PIWIL1: variants seen among roughly 807,000 people sequenced by gnomAD.
PIWIL1 encodes piwi like RNA-mediated gene silencing 1, also known as piwi-like protein 1.
PIWIL1 carries 73 observed loss-of-function variants against 114.4 expected under a neutral mutation model. That is an observed-to-expected ratio of 0.64 (90% confidence interval 0.53 to 0.78). The LOEUF is 0.78. PIWIL1 is among the 30% of genes least tolerant of loss of function. PIWIL1 has a pLI of 0.00. For missense variants in PIWIL1, 723 were observed against 1,063.1 expected, an observed-to-expected ratio of 0.68 and a Z score of 4.45; for synonymous variants, 375 against 369.0, an observed-to-expected ratio of 1.02 and a Z score of -0.19.
the PIWIL1 span, chr12:130,398,766 G>T: frequency 6.4e-6 from 1 of 155,350 alleles, no homozygotes; most frequent in African/African-American, 2.4e-5. Flanking sequence ...ATGTTTGTTA[G>T]GTTGTGCTTT....
downstream of PIWIL1, among the ~76,000 whole-genome samples, chr12:130,374,692 C>A (rs2136207273): frequency 6.6e-6 from 1 of 152,318 alleles, no homozygotes; most frequent in Admixed American, 6.5e-5. Flanking sequence ...ACTCTCATGC[C>A]TGGGAACCCC....
rs1175090519 is a variant in PIWIL1 at position 130,371,753 on chromosome 12, C to T, written c.*155C>T. 14 of 457,724 alleles carry T rather than the reference C, an allele frequency of 3.1e-5. No individual in the cohort carries two copies. The highest frequency in any genetic ancestry group is 1.0e-4 in the African/African-American group (5 of 49,200). 28.4% of individuals were successfully genotyped at this position (457,724 alleles called of 1,614,324 possible). On this transcript the variant is annotated 3_prime_UTR_variant, in exon 21 of 21. Coordinates refer to ENST00000245255, the MANE Select transcript of PIWIL1 (RefSeq NM_004764.5). ...TTTTATTTCTAGCATTGCTATTCAC[C>T]GGCTTCCTTATTTTATACGTAAAAA...
At chr12:130,362,934 A>C in intron 17 of PIWIL1, 57 bp from the exon 18 acceptor site, 1 of 1,612,128 alleles carries the variant, frequency 6.2e-7, no homozygotes, top group Non-Finnish European at 8.5e-7. Context: ...TTTGGGAAGA[A>C]CAGACGAGTT....
chr12:130,389,093 AAC>A, the PIWIL1 span, among the ~76,000 whole-genome samples: 1 of 152,062 alleles, frequency 6.6e-6, no homozygotes, highest in Non-Finnish European at 1.5e-5. Context: ...TTATTCTGTT[AAC>A]ATAGTTCATG....
the PIWIL1 span, among the ~76,000 whole-genome samples, chr12:130,380,346 T>A: frequency 6.6e-6 from 1 of 152,066 alleles, no homozygotes; most frequent in Non-Finnish European, 1.5e-5. Context: ...ACCCCCCAAC[T>A]TTTTTTTACT....
At chr12:130,376,176 C>T (rs1168893581), downstream of PIWIL1, among the ~76,000 whole-genome samples, 1 of 152,236 alleles carries the variant, frequency 6.6e-6, no homozygotes, top group African/African-American at 2.4e-5. Context: ...CTGTCCAACA[C>T]AATGCTGCTC....
chr12:130,415,980 A>ACACACAC, the PIWIL1 span, among the ~76,000 whole-genome samples: 4,115 of 149,406 alleles, frequency 0.028, 202 homozygotes, highest in African/African-American at 0.097. Context: ...CACACACACA[A>ACACACAC]AATATACAGA....
rs1450650694 is a variant in PIWIL1 at position 130,369,049 on chromosome 12, C to T, written c.2321+1791C>T. On this transcript the variant is annotated intron_variant, in intron 19 of 20. Transcript: ENST00000245255. ...GCTATTTATCCTGATGCTCTTCCTC[C>T]TCCTTACCCCCCAACAGGCCCCAGT... Among the ~76,000 whole-genome samples, 5 of 152,172 alleles carry T rather than the reference C, an allele frequency of 3.3e-5. No individual in the cohort carries two copies. In the East Asian group the frequency reaches 9.6e-4, roughly 29 times the overall value.
chr12:130,408,553 G>A, the PIWIL1 span, among the ~76,000 whole-genome samples: 2 of 152,204 alleles, frequency 1.3e-5, no homozygotes, highest in African/African-American at 2.4e-5. Flanking sequence ...AGGGGCTGCA[G>A]AGGAATTGCC....
intron 9 of PIWIL1, among the ~76,000 whole-genome samples, chr12:130,353,554 A>G (rs147839753): frequency 6.6e-6 from 1 of 151,716 alleles, no homozygotes; most frequent in East Asian, 1.9e-4. Context: ...ACTGAAGAGA[A>G]CTCAAACAAA....
At chr12:130,348,836 G>A (rs1256331073) in intron 7 of PIWIL1, among the ~76,000 whole-genome samples, 1 of 152,104 alleles carries the variant, frequency 6.6e-6, no homozygotes, top group Non-Finnish European at 1.5e-5. Flanking sequence ...GGAGGCGGAG[G>A]TTGCAGTGAG....
Position 130,354,663 on chromosome 12 carries a change from G to A in PIWIL1, c.1171G>A (p.Gly391Ser), listed in dbSNP as rs1263766011. ...MLIPELCYLT[G>S]LTDKMRNDFN... is the part of the protein sequence containing the mutation. ...CATTCCTGAGCTCTGCTATCTTACA[G>A]GTACTGTTGCATTTCATTTACTCGG... The change falls in exon 10 of 21, where the codon GGT becomes AGT. Residue 391 changes from glycine (G) to serine (S), a missense_variant and splice_region_variant. Around this residue, in one of 8 missense-constraint regions of PIWIL1, gnomAD observed 298 missense variants for 420.8 expected, o/e 0.71. Coordinates refer to ENST00000245255, the MANE Select transcript of PIWIL1 (RefSeq NM_004764.5). 6.4e-7 allele frequency: 1 copy of A among 1,570,002 alleles called. No homozygotes were observed. Among genetic ancestry groups the A allele is most frequent in the East Asian group, 2.3e-5 (1 of 44,420 alleles).
Position 130,347,009 on chromosome 12 carries a change from A to T in PIWIL1, c.600A>T (p.Glu200Asp). The T allele has an allele frequency of 6.2e-7, 1 of 1,613,832 alleles. No homozygotes were observed. The highest frequency in any genetic ancestry group is 1.1e-5 in the South Asian group (1 of 91,028). ...DVRITITLTN[E>D]LPPTSPTCLQ... is the part of the protein sequence containing the mutation. ...GGATAACGATCACTTTAACAAATGA[A>T]CTTCCACCTACATCACCAACTTGTT... Residue 200 changes from glutamate (E) to aspartate (D), a missense_variant, in exon 6 of 21, where the codon GAA becomes GAT. Physicochemically the swap from Glu to Asp is conservative, Grantham distance 45. Transcript: ENST00000245255.
At chr12:130,350,694 T>G (rs185234260) in intron 9 of PIWIL1, among the ~76,000 whole-genome samples, 65 of 152,352 alleles carry the variant, frequency 4.3e-4, no homozygotes, top group African/African-American at 1.5e-3. Flanking sequence ...AGATTATTTC[T>G]AGAAAACTAT....
chr12:130,376,665 C>T (rs1300991418), downstream of PIWIL1, among the ~76,000 whole-genome samples: 1 of 152,234 alleles, frequency 6.6e-6, no homozygotes, highest in Non-Finnish European at 1.5e-5. Flanking sequence ...TCAGATTCCT[C>T]AGTGAAGTTT....
At position 130,346,555 on chromosome 12, in the gene PIWIL1, T is replaced by C. The variant is rs777850158; in HGVS notation, c.502T>C (p.Leu168=). ...GKCHAFDGTI[L]FLPKRLQQKV... ...GTGTCATGCTTTTGATGGAACGATA[T>C]TATTTTTACCTAAAAGACTACAGCA... is the stretch of plus-strand genomic sequence containing the variant. Residue 168 remains leucine, a synonymous_variant, in exon 5 of 21, where the codon TTA becomes CTA. Transcript: ENST00000245255. 9 of 1,613,802 alleles carry C rather than the reference T, an allele frequency of 5.6e-6. No individual in the cohort carries two copies. The highest frequency in any genetic ancestry group is 7.6e-6 in the Non-Finnish European group (9 of 1,179,846).
At chr12:130,377,939 G>A in the PIWIL1 span, among the ~76,000 whole-genome samples, 8 of 152,196 alleles carry the variant, frequency 5.3e-5, no homozygotes, top group East Asian at 3.8e-4. Flanking sequence ...TCTGGACAGC[G>A]CAAGAATCTT....
At chr12:130,412,603 A>G in the PIWIL1 span, 2 of 1,610,356 alleles carry the variant, frequency 1.2e-6, no homozygotes, top group Non-Finnish European at 1.7e-6. Flanking sequence ...AAGGTCGAAT[A>G]GGGGTTTGCG....
the PIWIL1 span, among the ~76,000 whole-genome samples, chr12:130,411,041 G>A: frequency 2.6e-4 from 40 of 152,002 alleles, no homozygotes; most frequent in African/African-American, 9.2e-4. Flanking sequence ...TCTGATTTTC[G>A]GCATACAAAT....
Sources: gnomAD v4.1 joint callset for allele counts (sites outside exome capture counted in the v4.1 genomes callset) on GRCh38, gnomAD v4.1.1 for gene constraint, gnomAD v4.1.1 regional missense constraint, MANE v1.5 for transcripts, NCBI Gene and HGNC (gene_info 2026-07-23, HGNC 2026-07-21) for gene names.